TYW1B: variants seen among roughly 807,000 people sequenced by gnomAD.
The protein encoded by TYW1B is tRNA-yW synthesizing protein 1 homolog B, also known as S-adenosyl-L-methionine-dependent tRNA 4-demethylwyosine synthase TYW1B.
In TYW1B, 73 loss-of-function variants were observed where a neutral mutation model predicts 86.9. The observed-to-expected ratio is 0.84, with a 90% CI of 0.70 to 1.02. The LOEUF (loss-of-function observed/expected upper bound fraction) is 1.02, where lower values mean the gene tolerates loss of function less well. Among genes scored for constraint, TYW1B ranks in the 50% least tolerant of loss-of-function variants. The pLI is 0.00. For missense variants in TYW1B, 637 were observed against 827.4 expected (o/e 0.77, Z 2.82); for synonymous variants, 248 against 292.8 (o/e 0.85, Z 1.56).
At chr7:72,765,190 A>T (rs570533840) in intron 7 of TYW1B, among the ~76,000 whole-genome samples, 67 of 152,158 alleles carry the variant, frequency 4.4e-4, no homozygotes, top group Non-Finnish European at 7.6e-4. Flanking sequence ...CACGATCCTT[A>T]AGATTGTACG....
chr7:72,734,268 A>AAAAAAAAAAAAAAAC (rs56806378), intron 8 of TYW1B, among the ~76,000 whole-genome samples: 43,488 of 88,728 alleles, frequency 0.49, 12,621 homozygotes, highest in Non-Finnish European at 0.62. Flanking sequence ...AAAAAAAAAA[A>AAAAAAAAAAAAAAAC]ACACAACAAA....
intron 6 of TYW1B, among the ~76,000 whole-genome samples, chr7:72,790,367 G>T (rs28495275): frequency 6.6e-6 from 1 of 152,136 alleles, no homozygotes; most frequent in African/African-American, 2.4e-5. Context: ...AGGAGGAAGA[G>T]GGGGTGCTCA....
In TYW1B at chr7:72,575,677, G is replaced by A. The variant is rs541443405; in HGVS notation, c.1828C>T (p.Arg610Cys). ...GEWWTWIDYN[R>C]FQELIQEYED... ...TATTCCTGGATGAGCTCCTGGAAGC[G>A]GTTATAATCGATCCATGTCCACCAT... Residue 610 changes from arginine to cysteine, a missense_variant, in exon 14 of 14, where the codon CGC becomes TGC. Coordinates refer to ENST00000620995, the MANE Select transcript of TYW1B (RefSeq NM_001145440.3). The A allele has an allele frequency of 1.8e-5, 29 of 1,612,670 alleles. No homozygotes were observed. Among genetic ancestry groups the A allele is most frequent in the South Asian group, 4.4e-5 (4 of 91,028 alleles).
At chr7:72,809,392 C>G (rs1788558975) in intron 4 of TYW1B, among the ~76,000 whole-genome samples, 1 of 152,104 alleles carries the variant, frequency 6.6e-6, no homozygotes, top group African/African-American at 2.4e-5. Flanking sequence ...ACATTCATGC[C>G]TGTAATCCCA....
At chr7:72,601,131 AAC>A (rs1376323143) in intron 13 of TYW1B, among the ~76,000 whole-genome samples, 4 of 149,224 alleles carry the variant, frequency 2.7e-5, no homozygotes, top group African/African-American at 1.0e-4. Context: ...ACAAGAGCGA[AAC>A]TCTGTCTCAA....
intron 13 of TYW1B, among the ~76,000 whole-genome samples, chr7:72,577,180 C>A (rs1811042511): frequency 6.7e-6 from 1 of 148,182 alleles, no homozygotes; most frequent in Non-Finnish European, 1.5e-5. Flanking sequence ...GGAAAAATTT[C>A]CTGTTCTAGC....
At chr7:72,677,217 T>C (rs1487924910) in intron 11 of TYW1B, among the ~76,000 whole-genome samples, 1 of 152,084 alleles carries the variant, frequency 6.6e-6, no homozygotes, top group Non-Finnish European at 1.5e-5. Context: ...GACACAATCA[T>C]AGCTCACTGC....
Position 72,826,861 on chromosome 7 carries a change from C to T in TYW1B, c.129G>A (p.Glu43=), listed in dbSNP as rs1788940722. 6.2e-7 allele frequency: 1 copy of T among 1,612,060 alleles called. No individual in the cohort carries two copies. Among genetic ancestry groups the T allele is most frequent in the Non-Finnish European group, 8.5e-7 (1 of 1,179,608 alleles). The change falls in exon 2 of 14, where the codon GAG becomes GAA. Residue 43 remains glutamate (E), a synonymous_variant. Coordinates refer to ENST00000620995, the MANE Select transcript of TYW1B (RefSeq NM_001145440.3). ...AAAAAATAACTCCACTTACCTGCAT[C>T]TCGATGACAATCTGGACACAAATCC... The part of the protein sequence containing the change: ...SLWICVQIVI[E]MQGFATVLAE...
chr7:72,765,875 G>A (rs772963391), intron 7 of TYW1B, among the ~76,000 whole-genome samples: 3 of 152,048 alleles, frequency 2.0e-5, no homozygotes, highest in Non-Finnish European at 4.4e-5. Flanking sequence ...ACTACAAACC[G>A]GAAGAAAAAG....
intron 10 of TYW1B, among the ~76,000 whole-genome samples, chr7:72,702,069 G>A (rs1295104458): frequency 3.9e-5 from 6 of 152,160 alleles, no homozygotes; most frequent in Non-Finnish European, 8.8e-5. Context: ...ACATCTCATG[G>A]CCCAGCTTTT....
intron 11 of TYW1B, among the ~76,000 whole-genome samples, chr7:72,648,889 G>A (rs1812995980): frequency 6.6e-6 from 1 of 152,156 alleles, no homozygotes; most frequent in Non-Finnish European, 1.5e-5. Flanking sequence ...GCAGCAGAAT[G>A]TGAAAAAGAG....
intron 13 of TYW1B, among the ~76,000 whole-genome samples, chr7:72,593,820 T>TAAAAAAAA (rs59821679): frequency 1.4e-4 from 6 of 43,690 alleles, no homozygotes; most frequent in East Asian, 7.7e-4. Flanking sequence ...AGACTCCATC[T>TAAAAAAAA]AAAAAAAAAA....
At chr7:72,635,561 C>T (rs1563040176) in intron 11 of TYW1B, among the ~76,000 whole-genome samples, 3 of 152,150 alleles carry the variant, frequency 2.0e-5, no homozygotes, top group Non-Finnish European at 4.4e-5. Context: ...GTCGATGGTG[C>T]CAACGTTGAA....
intron 13 of TYW1B, among the ~76,000 whole-genome samples, chr7:72,613,022 A>T (rs1811973711): frequency 1.3e-5 from 2 of 152,232 alleles, no homozygotes; most frequent in African/African-American, 4.8e-5. Context: ...AAGTTCTAGG[A>T]TTACAGGTGT....
intron 7 of TYW1B, among the ~76,000 whole-genome samples, chr7:72,766,633 A>AC (rs1787775673): frequency 1.3e-5 from 2 of 148,190 alleles, no homozygotes; most frequent in Admixed American, 1.4e-4. Context: ...AAAAAAAAAA[A>AC]CATAACTACA....
chr7:72,583,899 G>A lies in TYW1B; in HGVS notation c.1786-8180C>T, dbSNP rs1175187699. Reference sequence around the variant, plus strand: ...GCTTAGGCCATATCCTCAGGAAGTAGAAGGGCCAAGATTCAAATTGGAGGG... The same window carrying A: ...GCTTAGGCCATATCCTCAGGAAGTAAAAGGGCCAAGATTCAAATTGGAGGG... On this transcript the variant is annotated intron_variant, in intron 13 of 13. Coordinates refer to ENST00000620995, the MANE Select transcript of TYW1B (RefSeq NM_001145440.3). 2.6e-5 allele frequency among the ~76,000 whole-genome samples: 4 copies of A among 152,244 alleles called. No homozygotes were observed. In the East Asian group the frequency reaches 7.7e-4, roughly 29 times the overall value.
intron 11 of TYW1B, among the ~76,000 whole-genome samples, chr7:72,641,002 T>A (rs1290546042): frequency 6.6e-6 from 1 of 151,840 alleles, no homozygotes; most frequent in African/African-American, 2.4e-5. Context: ...TATGAAAAGA[T>A]CAACTAAATG....
At chr7:72,682,063 A>G (rs2129569973) in intron 11 of TYW1B, among the ~76,000 whole-genome samples, 1 of 151,858 alleles carries the variant, frequency 6.6e-6, no homozygotes, top group Non-Finnish European at 1.5e-5. Context: ...TTTGTAGTAG[A>G]GATGGGGTTT....
At chr7:72,667,711 T>C (rs1261644166) in intron 11 of TYW1B, among the ~76,000 whole-genome samples, 1 of 151,880 alleles carries the variant, frequency 6.6e-6, no homozygotes, top group Non-Finnish European at 1.5e-5. Flanking sequence ...AGACTCCAGC[T>C]CAAAAAAACA....
Sources: gnomAD v4.1 joint callset for allele counts (sites outside exome capture counted in the v4.1 genomes callset) on GRCh38, gnomAD v4.1.1 for gene constraint, MANE v1.5 for transcripts, NCBI Gene and HGNC (gene_info 2026-07-23, HGNC 2026-07-21) for gene names.